Variants in CEP112 observed in about 807,000 individuals in gnomAD.
The protein encoded by CEP112 is centrosomal protein 112, also known as centrosomal protein of 112 kDa.
Under a neutral mutation model 153.0 loss-of-function variants are expected in CEP112, and 127 were observed. The ratio of observed to expected loss-of-function variants is 0.83; its 90% CI spans 0.72 to 0.96. The LOEUF (loss-of-function observed/expected upper bound fraction) is 0.96. Among genes scored for constraint, CEP112 ranks in the 40% least tolerant of loss-of-function variants. The pLI, the probability that CEP112 is intolerant of heterozygous loss-of-function variation, is 0.00. For missense variants in CEP112, 1,089 were observed against 1,101.2 expected (o/e 0.99, Z 0.16); for synonymous variants, 358 against 374.4 (o/e 0.96, Z 0.51).
chr17:65,647,521 G>T (rs2143508744), intron 24 of CEP112, among the ~76,000 whole-genome samples: 1 of 146,594 alleles, frequency 6.8e-6, no homozygotes, highest in East Asian at 2.0e-4. Context: ...TGTTATCTAG[G>T]CTGGAGTGCC....
chr17:66,178,144 T>G (rs2072566667), intron 2 of CEP112, among the ~76,000 whole-genome samples: 1 of 152,212 alleles, frequency 6.6e-6, no homozygotes. Flanking sequence ...CCTCAAACTC[T>G]TCTCCGTAGT....
intron 25 of CEP112, among the ~76,000 whole-genome samples, chr17:65,640,598 G>A (rs1477592716): frequency 2.6e-5 from 4 of 152,170 alleles, no homozygotes; most frequent in Admixed American, 2.6e-4. Flanking sequence ...ACATAACTGT[G>A]CTTTCAATTT....
At chr17:66,013,554 G>A (rs538731625) in intron 16 of CEP112, among the ~76,000 whole-genome samples, 19 of 151,328 alleles carry the variant, frequency 1.3e-4, no homozygotes, top group Non-Finnish European at 5.9e-5. Context: ...GGCTGGTATC[G>A]GGTCACTGGC....
At chr17:65,856,891 A>C (rs1281456497) in intron 20 of CEP112, among the ~76,000 whole-genome samples, 1 of 152,168 alleles carries the variant, frequency 6.6e-6, no homozygotes, top group African/African-American at 2.4e-5. Flanking sequence ...TTTAATTCCC[A>C]TTTATTAGCA....
intron 24 of CEP112, among the ~76,000 whole-genome samples, chr17:65,659,311 G>A (rs1429083432): frequency 2.0e-5 from 3 of 152,170 alleles, no homozygotes. Flanking sequence ...TTTTTCAAAA[G>A]AGGCAAGCTA....
At chr17:65,726,003 T>C (rs368657314) in intron 23 of CEP112, among the ~76,000 whole-genome samples, 9 of 152,244 alleles carry the variant, frequency 5.9e-5, no homozygotes, top group South Asian at 2.1e-4. Context: ...TCTTTATGTT[T>C]GAGCACCCAG....
intron 23 of CEP112, among the ~76,000 whole-genome samples, chr17:65,719,400 C>T (rs1056634977): frequency 2.6e-5 from 4 of 152,128 alleles, no homozygotes; most frequent in African/African-American, 9.7e-5. Flanking sequence ...CATGTTGAAA[C>T]CCCATCTCTA....
At chr17:66,052,729 CTT>C (rs2066492753) in intron 12 of CEP112, among the ~76,000 whole-genome samples, 1 of 152,146 alleles carries the variant, frequency 6.6e-6, no homozygotes, top group African/African-American at 2.4e-5. Context: ...CAATCTCCCT[CTT>C]TGATTTCCTT....
At chr17:65,965,518 C>CCCTT (rs1555734627) in intron 17 of CEP112, among the ~76,000 whole-genome samples, 3 of 122,074 alleles carry the variant, frequency 2.5e-5, no homozygotes, top group Admixed American at 8.6e-5. Flanking sequence ...CTTCTGCCCC[C>CCCTT]TTTTTTTTTT....
chr17:65,703,838 A>G (rs1187807600), intron 23 of CEP112, among the ~76,000 whole-genome samples: 1 of 150,978 alleles, frequency 6.6e-6, no homozygotes, highest in Non-Finnish European at 1.5e-5. Flanking sequence ...CAGAAAAACA[A>G]GTTTTTGTGT....
rs756174967 is a variant in CEP112 at position 66,175,140 on chromosome 17, C to A, written c.374G>T (p.Gly125Val). Reference sequence around the variant, plus strand: ...TTTGTGTTCACTTGTCTCCAGCTCACCCAGTACCCAGGCTGGTAATCCCTC... The same window carrying A: ...TTTGTGTTCACTTGTCTCCAGCTCAACCAGTACCCAGGCTGGTAATCCCTC... ...SPEGLPAWVL[G>V]ELETSEHKLN... is the part of the protein sequence containing the mutation. Residue 125 changes from glycine to valine, a missense_variant, in exon 4 of 27, where the codon GGT becomes GTT. Coordinates refer to ENST00000535342, the MANE Select transcript of CEP112 (RefSeq NM_001199165.4). The A allele has an allele frequency of 6.2e-7, 1 of 1,613,304 alleles. No homozygotes were observed. The highest frequency in any genetic ancestry group is 1.3e-5 in the African/African-American group (1 of 74,904).
chr17:65,805,609 C>T (rs1289832472), intron 21 of CEP112, among the ~76,000 whole-genome samples: 1 of 152,148 alleles, frequency 6.6e-6, no homozygotes, highest in African/African-American at 2.4e-5. Flanking sequence ...AGCTTTGGCA[C>T]ATATATTGAG....
At chr17:65,965,073 G>A (rs907700284) in intron 17 of CEP112, among the ~76,000 whole-genome samples, 1 of 152,148 alleles carries the variant, frequency 6.6e-6, no homozygotes, top group South Asian at 2.1e-4. Context: ...TATTATTTGT[G>A]CAATAATTCA....
At chr17:66,119,907 G>A (rs1247783051) in intron 6 of CEP112, among the ~76,000 whole-genome samples, 1 of 152,118 alleles carries the variant, frequency 6.6e-6, no homozygotes, top group Non-Finnish European at 1.5e-5. Context: ...GTCTTTGTTT[G>A]TTTTCACCAT....
chr17:65,948,763 G>A (rs934830094), intron 18 of CEP112, among the ~76,000 whole-genome samples: 1 of 152,118 alleles, frequency 6.6e-6, no homozygotes, highest in Admixed American at 6.5e-5. Flanking sequence ...GAAAGAAAGA[G>A]TGTGCAGCAA....
chr17:66,173,555 C>G (rs2072335491), intron 4 of CEP112, among the ~76,000 whole-genome samples: 1 of 152,188 alleles, frequency 6.6e-6, no homozygotes, highest in African/African-American at 2.4e-5. Flanking sequence ...ACATTCATTA[C>G]ATCTAGAAAG....
intron 20 of CEP112, among the ~76,000 whole-genome samples, chr17:65,862,365 G>A (rs967879580): frequency 3.3e-5 from 5 of 152,130 alleles, no homozygotes; most frequent in African/African-American, 1.2e-4. Context: ...AAGGCGAGTG[G>A]ATCACGAGGT....
chr17:65,914,713 C>G (rs2060410410), intron 19 of CEP112, among the ~76,000 whole-genome samples: 1 of 152,198 alleles, frequency 6.6e-6, no homozygotes, highest in African/African-American at 2.4e-5. Context: ...ATTTTCTTCT[C>G]TAGTGGATCA....
chr17:66,080,315 GA>G (rs907204603), intron 8 of CEP112, among the ~76,000 whole-genome samples: 1 of 151,432 alleles, frequency 6.6e-6, no homozygotes, highest in African/African-American at 2.4e-5. Flanking sequence ...AAATTTACAA[GA>G]AAAAAAACAA....
Sources: gnomAD v4.1 joint callset for allele counts (sites outside exome capture counted in the v4.1 genomes callset) on GRCh38, gnomAD v4.1.1 for gene constraint, MANE v1.5 for transcripts, NCBI Gene and HGNC (gene_info 2026-07-23, HGNC 2026-07-21) for gene names.